AGO3: variants seen among roughly 807,000 people sequenced by gnomAD.
AGO3 encodes argonaute RISC catalytic component 3, also known as protein argonaute-3.
Under a neutral mutation model 105.5 loss-of-function variants are expected in AGO3, and 16 were observed. That is an observed-to-expected ratio of 0.15 (90% CI 0.10 to 0.23). The LOEUF (loss-of-function observed/expected upper bound fraction) is 0.23. Among genes scored for constraint, AGO3 ranks in the 10% least tolerant of loss-of-function variants. The pLI, the probability that AGO3 is intolerant of heterozygous loss-of-function variation, is 1.00. For missense variants in AGO3, 534 were observed against 1,088.0 expected, an observed-to-expected ratio of 0.49 and a Z score of 7.16; for synonymous variants, 340 against 367.3, an observed-to-expected ratio of 0.93 and a Z score of 0.85.
chr1:35,941,025 C>T (rs1646243876), intron 1 of AGO3, among the ~76,000 whole-genome samples: 3 of 152,160 alleles, frequency 2.0e-5, no homozygotes, highest in Admixed American at 2.0e-4. Flanking sequence ...GAACTCCACA[C>T]TCATCTAACT....
At chr1:36,044,695 G>A (rs1000804740) in intron 17 of AGO3, among the ~76,000 whole-genome samples, 2 of 152,108 alleles carry the variant, frequency 1.3e-5, no homozygotes, top group Admixed American at 6.5e-5. Flanking sequence ...GCCCACCTTG[G>A]CCTCCCAAAG....
chr1:35,936,464 G>T (rs562346915), intron 1 of AGO3, among the ~76,000 whole-genome samples: 5 of 152,166 alleles, frequency 3.3e-5, no homozygotes, highest in Non-Finnish European at 7.3e-5. Context: ...CGTCGCCCAG[G>T]CTAGAGTGCA....
chr1:36,034,199 A>G lies in AGO3; in HGVS notation c.1617A>G (p.Thr539=), dbSNP rs756227833. Reference sequence around the variant, plus strand: ...CGGAAGTGAAACGTGTAGGAGACACACTTTTGGGTATGGCTACACAATGTG... The same window carrying G: ...CGGAAGTGAAACGTGTAGGAGACACGCTTTTGGGTATGGCTACACAATGTG... The part of the protein sequence containing the change: ...VYAEVKRVGD[T]LLGMATQCVQ... Residue 539 remains threonine (T), a synonymous_variant, in exon 13 of 19, where the codon ACA becomes ACG. Coordinates refer to ENST00000373191, the MANE Select transcript of AGO3 (RefSeq NM_024852.4). The G allele has an allele frequency of 1.9e-6, 3 of 1,587,118 alleles. No homozygotes were observed. The highest frequency in any genetic ancestry group is 2.3e-5 in the East Asian group (1 of 43,592).
intron 9 of AGO3, 79 bp from the exon 10 acceptor site, chr1:36,013,551 A>C: frequency 6.4e-7 from 1 of 1,558,344 alleles, no homozygotes. Context: ...CAGTGAAGAA[A>C]AAAAAGAGGG....
chr1:35,977,872 TAAA>T (rs988612377), intron 5 of AGO3, among the ~76,000 whole-genome samples: 6 of 151,864 alleles, frequency 4.0e-5, no homozygotes, highest in African/African-American at 1.4e-4. Flanking sequence ...ATCAAAAAAC[TAAA>T]AAAAAGACGG....
intron 11 of AGO3, among the ~76,000 whole-genome samples, chr1:36,017,511 A>G (rs765143488): frequency 6.6e-6 from 1 of 152,232 alleles, no homozygotes; most frequent in African/African-American, 2.4e-5. Flanking sequence ...GTATAACCAT[A>G]GTCTTTGCAG....
intron 9 of AGO3, among the ~76,000 whole-genome samples, chr1:36,012,905 TA>T (rs565133192): frequency 4.4e-4 from 63 of 144,778 alleles, no homozygotes; most frequent in Non-Finnish European, 3.7e-4. Flanking sequence ...TCCATCTCTT[TA>T]AAAAAAAAAA....
chr1:35,994,487 G>A lies in AGO3; in HGVS notation c.659-9854G>A, dbSNP rs149596191. ...TGCCCTAAATTCAAGAACAAGGCAA[G>A]GATGCTTGCTCTCATTATTTGGTAA... On this transcript the variant is annotated intron_variant, in intron 5 of 18. Coordinates refer to ENST00000373191, the MANE Select transcript of AGO3 (RefSeq NM_024852.4). 2.5e-3 allele frequency among the ~76,000 whole-genome samples: 378 copies of A among 152,268 alleles called. 3 individuals are homozygous for A. Among genetic ancestry groups the A allele is most frequent in the African/African-American group, 8.4e-3 (351 of 41,540 alleles).
At chr1:35,996,380 G>C (rs890857609) in intron 5 of AGO3, among the ~76,000 whole-genome samples, 1 of 150,364 alleles carries the variant, frequency 6.7e-6, no homozygotes, top group Non-Finnish European at 1.5e-5. Flanking sequence ...TTTGCAAAAC[G>C]TAACAGAACA....
At chr1:35,942,587 A>AT (rs1646275418) in intron 1 of AGO3, among the ~76,000 whole-genome samples, 1 of 152,010 alleles carries the variant, frequency 6.6e-6, no homozygotes, top group Non-Finnish European at 1.5e-5. Flanking sequence ...GACTTTTAAG[A>AT]TTTTTTTAAT....
At chr1:35,962,499 C>T (rs866748086) in intron 2 of AGO3, among the ~76,000 whole-genome samples, 9 of 150,622 alleles carry the variant, frequency 6.0e-5, no homozygotes, top group East Asian at 2.0e-4. Context: ...GCCGAGATCA[C>T]GCCACTGCAC....
intron 5 of AGO3, among the ~76,000 whole-genome samples, chr1:35,981,816 C>T (rs559910374): frequency 4.3e-4 from 66 of 152,160 alleles, no homozygotes; most frequent in African/African-American, 1.5e-3. Context: ...TTGTAGTTCC[C>T]GCTTGGTATA....
intron 5 of AGO3, among the ~76,000 whole-genome samples, chr1:35,984,022 T>G (rs1293946553): frequency 1.3e-5 from 2 of 152,078 alleles, no homozygotes; most frequent in Non-Finnish European, 2.9e-5. Context: ...TCTTTAGGAA[T>G]AGTATTTAGA....
chr1:36,012,535 T>C (rs1272865129), intron 9 of AGO3, among the ~76,000 whole-genome samples: 1 of 152,104 alleles, frequency 6.6e-6, no homozygotes. Context: ...TTAAGTGTAT[T>C]CCATTAAATA....
chr1:36,039,749 T>TTTTATTTA, intron 14 of AGO3, 41 bp from the exon 15 acceptor site: 1 of 1,173,902 alleles, frequency 8.5e-7, no homozygotes, highest in Non-Finnish European at 1.1e-6. Context: ...TATCATTTAT[T>TTTTATTTA]TTTATTTATT....
chr1:36,004,184 G>A lies in AGO3; in HGVS notation c.659-157G>A, dbSNP rs115352372. 128 of 590,498 alleles carry A rather than the reference G, an allele frequency of 2.2e-4. 3 individuals are homozygous for A. Among genetic ancestry groups the A allele is most frequent in the African/African-American group, 2.2e-3 (115 of 53,276 alleles). 36.6% of individuals were successfully genotyped at this position (590,498 alleles called of 1,614,324 possible). On this transcript the variant is annotated intron_variant, in intron 5 of 18. Coordinates refer to ENST00000373191, the MANE Select transcript of AGO3 (RefSeq NM_024852.4). ...GCCATTTTGTATTTGTGCCTCAGAG[G>A]TCAAATTAAAACTGCTTAATTTTGG...
rs1474339782 is a variant in AGO3, at chr1:36,012,059, A to C, written c.1150-1571A>C. 2.0e-5 allele frequency among the ~76,000 whole-genome samples: 3 copies of C among 152,188 alleles called. No individual in the cohort carries two copies. The East Asian group carries it at 5.8e-4, about 29-fold the overall frequency. On this transcript the variant is annotated intron_variant, in intron 9 of 18. Transcript: ENST00000373191. ...GATGCCCCATTGGTGCCTAATTTAG[A>C]AAATGGGGCTTACACCTGTAACCCC...
Position 36,042,327 on chromosome 1 carries a change from C to T in AGO3, c.2173-1120C>T, listed in dbSNP as rs186055256. On this transcript the variant is annotated intron_variant, in intron 16 of 18. Transcript: ENST00000373191. ...CACAAACTCCTGGTTTCAAATGATCCGCCCACCTCGGCCTCCCAAAGTGCT... is the reference window on the plus strand; with the variant it reads ...CACAAACTCCTGGTTTCAAATGATCTGCCCACCTCGGCCTCCCAAAGTGCT... 2.1e-3 allele frequency among the ~76,000 whole-genome samples: 316 copies of T among 152,258 alleles called. 3 individuals carry two copies. The highest frequency in any genetic ancestry group is 2.2e-3 in the Admixed American group (34 of 15,280).
chr1:36,001,586 G>GT (rs1341665513), intron 5 of AGO3, among the ~76,000 whole-genome samples: 1 of 152,152 alleles, frequency 6.6e-6, no homozygotes, highest in Non-Finnish European at 1.5e-5. Flanking sequence ...GTAACATAGT[G>GT]TGCAGCAATT....
Sources: allele counts gnomAD v4.1 joint callset (sites outside exome capture counted in the v4.1 genomes callset), GRCh38; gene constraint gnomAD v4.1.1; transcripts MANE v1.5; gene names NCBI Gene and HGNC (gene_info 2026-07-23, HGNC 2026-07-21).